Variants in RORB observed in about 807,000 individuals in gnomAD.
The protein encoded by RORB is nuclear receptor ROR-beta.
Under a neutral mutation model 59.1 loss-of-function variants are expected in RORB, and 6 were observed. The ratio of observed to expected loss-of-function variants is 0.10; its 90% CI spans 0.06 to 0.20. The LOEUF (loss-of-function observed/expected upper bound fraction) is 0.20, where lower values mean the gene tolerates loss of function less well. Among genes scored for constraint, RORB ranks in the 10% least tolerant of loss-of-function variants. The pLI, the probability that RORB is intolerant of heterozygous loss-of-function variation, is 1.00. For missense variants in RORB, 320 were observed against 560.5 expected (o/e 0.57, Z 4.33); for synonymous variants, 215 against 204.5 (o/e 1.05, Z -0.44).
rs370837595 is a variant in RORB, at chr9:74,591,790, T to C, written c.8-38492T>C. The stretch of plus-strand genomic sequence containing the variant: ...CAGTAGATAGATTAAATATGTTTTA[T>C]TTATTAATGTACAACAAGTAGAAGA... On this transcript the variant is annotated intron_variant, in intron 1 of 9. Coordinates refer to ENST00000376896, the MANE Select transcript of RORB (RefSeq NM_006914.4). 5.3e-5 allele frequency among the ~76,000 whole-genome samples: 8 copies of C among 152,326 alleles called. No individual in the cohort carries two copies. In the East Asian group the frequency reaches 1.4e-3, roughly 26 times the overall value.
chr9:74,674,845 C>T (rs1824410150), intron 9 of RORB, among the ~76,000 whole-genome samples: 1 of 152,184 alleles, frequency 6.6e-6, no homozygotes, highest in African/African-American at 2.4e-5. Flanking sequence ...ACCATCAAAG[C>T]CACTTGCTAG....
intron 1 of RORB, among the ~76,000 whole-genome samples, chr9:74,502,308 T>C (rs1446624654): frequency 6.6e-6 from 1 of 152,142 alleles, no homozygotes; most frequent in Non-Finnish European, 1.5e-5. Flanking sequence ...TAATAATACC[T>C]ACTTTTTTCC....
chr9:74,636,746 G>A (rs986913272), intron 3 of RORB, among the ~76,000 whole-genome samples: 1 of 152,096 alleles, frequency 6.6e-6, no homozygotes, highest in Non-Finnish European at 1.5e-5. Flanking sequence ...TTTATCATGA[G>A]GAGAAATGGT....
At chr9:74,583,317 T>C (rs1302037275) in intron 1 of RORB, among the ~76,000 whole-genome samples, 1 of 152,094 alleles carries the variant, frequency 6.6e-6, no homozygotes, top group Non-Finnish European at 1.5e-5. Context: ...AAGCACCTTC[T>C]CCGAACACCC....
intron 1 of RORB, among the ~76,000 whole-genome samples, chr9:74,627,841 T>C (rs970952214): frequency 5.3e-5 from 8 of 152,224 alleles, no homozygotes; most frequent in Non-Finnish European, 1.0e-4. Flanking sequence ...TGTCATTTAT[T>C]AGATTATTTT....
chr9:74,500,011 G>T (rs1050186635), intron 1 of RORB, among the ~76,000 whole-genome samples: 1 of 152,136 alleles, frequency 6.6e-6, no homozygotes, highest in Admixed American at 6.5e-5. Context: ...GTCCTGGTTC[G>T]CCACGGCGGT....
chr9:74,675,318 C>CAT lies in RORB; in HGVS notation c.1224+3431_1224+3432dup, dbSNP rs1009319536. Among the ~76,000 whole-genome samples the CAT allele has an allele frequency of 4.8e-3, 709 of 148,086 alleles. 4 individuals carry two copies. Among genetic ancestry groups the CAT allele is most frequent in the Middle Eastern group, 0.032 (9 of 282 alleles). On this transcript the variant is annotated intron_variant, in intron 9 of 9. Coordinates refer to ENST00000376896, the MANE Select transcript of RORB (RefSeq NM_006914.4). ...AAGCTCATGAAAAAAAAAATACATA[C>CAT]ATATATATATATATAAAATAAATAT...
At chr9:74,513,168 CTCTGCA>C (rs1825963260) in intron 1 of RORB, among the ~76,000 whole-genome samples, 1 of 151,964 alleles carries the variant, frequency 6.6e-6, no homozygotes, top group Admixed American at 6.6e-5. Flanking sequence ...TTCCACTTTC[CTCTGCA>C]TATTTTTGTG....
intron 1 of RORB, among the ~76,000 whole-genome samples, chr9:74,506,943 G>T (rs1238879501): frequency 6.6e-6 from 1 of 152,128 alleles, no homozygotes; most frequent in African/African-American, 2.4e-5. Flanking sequence ...AATTCGAGAA[G>T]TGCATGAATG....
chr9:74,621,560 C>T (rs140817166), intron 1 of RORB, among the ~76,000 whole-genome samples: 3 of 152,152 alleles, frequency 2.0e-5, no homozygotes, highest in Non-Finnish European at 2.9e-5. Flanking sequence ...TTTGTGTGCA[C>T]GTTGTCATGT....
intron 1 of RORB, among the ~76,000 whole-genome samples, chr9:74,629,934 A>G (rs773039003): frequency 2.0e-5 from 3 of 152,252 alleles, no homozygotes; most frequent in Non-Finnish European, 4.4e-5. Context: ...CAAGTGCAAA[A>G]TAAGAAAAGA....
At chr9:74,512,546 T>G (rs1825956137) in intron 1 of RORB, among the ~76,000 whole-genome samples, 1 of 152,112 alleles carries the variant, frequency 6.6e-6, no homozygotes, top group South Asian at 2.1e-4. Context: ...TGACAATATC[T>G]AGAAAAATGT....
In RORB at chr9:74,687,582, A is replaced by T. The variant is rs1279662082; in HGVS notation, c.*1964A>T. The T allele has an allele frequency of 1.3e-5, 2 of 152,226 alleles. No individual in the cohort carries two copies. The highest frequency in any genetic ancestry group is 3.8e-4 in the East Asian group (2 of 5,202). The allele number at this position is 152,226 out of a possible 1,614,324, so 9.4% of individuals were successfully genotyped here. On this transcript the variant is annotated 3_prime_UTR_variant, in exon 10 of 10. Coordinates refer to ENST00000376896, the MANE Select transcript of RORB (RefSeq NM_006914.4). ...ATGAATCTGTTTCTCAACTACTGTT[A>T]TATTCAATTAATTTAACTACATTGA...
At chr9:74,571,038 G>C (rs991615828) in intron 1 of RORB, among the ~76,000 whole-genome samples, 3 of 151,596 alleles carry the variant, frequency 2.0e-5, no homozygotes, top group East Asian at 3.9e-4. Flanking sequence ...GAACAAAATA[G>C]AAAATAATTT....
chr9:74,541,843 C>T (rs949556033), intron 1 of RORB, among the ~76,000 whole-genome samples: 4 of 152,088 alleles, frequency 2.6e-5, no homozygotes, highest in African/African-American at 7.2e-5. Context: ...ATCTTAGGAC[C>T]TTCTCCTAAT....
chr9:74,682,937 A>G (rs1824571275), intron 9 of RORB, among the ~76,000 whole-genome samples: 1 of 151,974 alleles, frequency 6.6e-6, no homozygotes, highest in South Asian at 2.1e-4. Context: ...TAAAATTTGA[A>G]CCTCTGAAGC....
intron 3 of RORB, among the ~76,000 whole-genome samples, chr9:74,638,213 C>G (rs750517575): frequency 2.0e-5 from 3 of 152,144 alleles, no homozygotes; most frequent in Admixed American, 6.5e-5. Flanking sequence ...CAGTTGGGCT[C>G]TCTTGAAACC....
chr9:74,576,014 G>C (rs1029763172), intron 1 of RORB, among the ~76,000 whole-genome samples: 2 of 152,104 alleles, frequency 1.3e-5, no homozygotes, highest in Non-Finnish European at 2.9e-5. Context: ...AACCAAAGGA[G>C]TGTGTTTCCA....
intron 1 of RORB, among the ~76,000 whole-genome samples, chr9:74,535,518 A>G (rs1037841596): frequency 6.6e-6 from 1 of 151,916 alleles, no homozygotes. Context: ...GCTTCTGTTT[A>G]CCCTAGTAAA....
Sources: allele counts gnomAD v4.1 joint callset (sites outside exome capture counted in the v4.1 genomes callset), GRCh38; gene constraint gnomAD v4.1.1; transcripts MANE v1.5; gene names NCBI Gene and HGNC (gene_info 2026-07-23, HGNC 2026-07-21).